KIF5C: variants seen among roughly 807,000 people sequenced by gnomAD.
The protein encoded by KIF5C is kinesin heavy chain isoform 5C.
In KIF5C, 18 loss-of-function variants were observed where a neutral mutation model predicts 125.2. The observed-to-expected ratio is 0.14, with a 90% confidence interval of 0.10 to 0.21. KIF5C has a LOEUF of 0.21. Ranked by LOEUF, KIF5C falls within the 10% of genes least tolerant of loss-of-function variation. The pLI is 1.00. For missense variants in KIF5C, 780 were observed against 1,183.8 expected, an observed-to-expected ratio of 0.66 and a Z score of 5.01; for synonymous variants, 405 against 434.0, an observed-to-expected ratio of 0.93 and a Z score of 0.83.
intron 7 of KIF5C, among the ~76,000 whole-genome samples, chr2:148,943,243 G>C (rs1365763292): frequency 6.6e-6 from 1 of 152,198 alleles, no homozygotes; most frequent in East Asian, 1.9e-4. Flanking sequence ...TCAGAAAGCA[G>C]AGCCAGGAGC....
intron 17 of KIF5C, 35 bp downstream of exon 17, chr2:148,994,573 C>T: frequency 6.5e-7 from 1 of 1,547,278 alleles, no homozygotes; most frequent in Non-Finnish European, 8.7e-7. Context: ...TGTCAAACAC[C>T]TGGCCTGAGT....
At position 149,006,556 on chromosome 2, in the gene KIF5C, A is replaced by G. The variant is rs116396298; in HGVS notation, c.2445+1092A>G. Among the ~76,000 whole-genome samples the G allele has an allele frequency of 2.7e-3, 410 of 152,326 alleles. 3 individuals carry two copies. The highest frequency in any genetic ancestry group is 9.4e-3 in the African/African-American group (392 of 41,582). ...AGGCTGCCAAGGTAGGGGATGTGCTATGGAAGAGTAGAAGGATTGCTGAGC... is the reference window on the plus strand; with the variant it reads ...AGGCTGCCAAGGTAGGGGATGTGCTGTGGAAGAGTAGAAGGATTGCTGAGC... On this transcript the variant is annotated intron_variant, in intron 22 of 25. Transcript: ENST00000435030.
At chr2:148,928,754 T>TCCC (rs1682097319) in intron 2 of KIF5C, among the ~76,000 whole-genome samples, 1 of 152,180 alleles carries the variant, frequency 6.6e-6, no homozygotes, top group Non-Finnish European at 1.5e-5. Context: ...GCTCTGTTTA[T>TCCC]AGAGTGGGGC....
chr2:148,961,833 G>T, intron 10 of KIF5C, 138 bp from the exon 11 acceptor site: 9 of 1,229,508 alleles, frequency 7.3e-6, no homozygotes, highest in Non-Finnish European at 1.0e-5. Context: ...CAATTAGGAG[G>T]ATGGTTGGTG....
At chr2:148,937,129 G>C (rs1682307877) in intron 3 of KIF5C, among the ~76,000 whole-genome samples, 155 bp from the exon 4 acceptor site, 1 of 152,198 alleles carries the variant, frequency 6.6e-6, no homozygotes, top group Admixed American at 6.5e-5. Flanking sequence ...TGGTCTGTTG[G>C]CAAGTCAGGT....
At chr2:148,923,253 T>A (rs1662946860) in intron 2 of KIF5C, among the ~76,000 whole-genome samples, 1 of 152,204 alleles carries the variant, frequency 6.6e-6, no homozygotes, top group Non-Finnish European at 1.5e-5. Context: ...GAAAATCAGC[T>A]CTGGGTACAT....
intron 19 of KIF5C, chr2:148,998,781 G>C: frequency 3.0e-6 from 1 of 333,298 alleles, no homozygotes; most frequent in Non-Finnish European, 5.5e-6. Context: ...GATTCCGCTG[G>C]ATGGACGCAT....
At chr2:148,898,910 G>T (rs1449211503) in intron 1 of KIF5C, among the ~76,000 whole-genome samples, 1 of 152,184 alleles carries the variant, frequency 6.6e-6, no homozygotes, top group Non-Finnish European at 1.5e-5. Flanking sequence ...TTTACCAGAA[G>T]ATATCTGTTC....
intron 1 of KIF5C, among the ~76,000 whole-genome samples, chr2:148,920,192 T>C (rs1681726838): frequency 6.6e-6 from 1 of 152,218 alleles, no homozygotes. Context: ...GATCAAGCTG[T>C]AAACAAGACG....
intron 19 of KIF5C, chr2:148,998,831 CAAA>C (rs58960407): frequency 1.6e-4 from 10 of 62,368 alleles, no homozygotes; most frequent in Non-Finnish European, 1.7e-4. Flanking sequence ...ATGAAAGCAC[CAAA>C]AAAAAAAAAA....
At position 149,026,164 on chromosome 2, in the gene KIF5C, AC is replaced by A. The variant is rs1682682517; in HGVS notation, c.*3095del. The A allele has an allele frequency of 6.6e-6, 1 of 152,534 alleles. No individual in the cohort carries two copies. The highest frequency in any genetic ancestry group is 1.5e-5 in the Non-Finnish European group (1 of 68,022). The allele number at this position is 152,534 out of a possible 1,614,324, so 9.4% of individuals were successfully genotyped here. A position where few individuals can be genotyped will look rare whatever the true frequency, so the allele number is the denominator to read the frequency against. On this transcript the variant is annotated 3_prime_UTR_variant, in exon 26 of 26. Coordinates refer to ENST00000435030, the MANE Select transcript of KIF5C (RefSeq NM_004522.3). Reference sequence around the variant, plus strand: ...CATTTGGACTCTAGCTATATGACATACTGGGAAAGGCAGAGGGTGGAGGGAA... The same window carrying A: ...CATTTGGACTCTAGCTATATGACATATGGGAAAGGCAGAGGGTGGAGGGAA...
intron 1 of KIF5C, among the ~76,000 whole-genome samples, chr2:148,894,702 C>T (rs1021740049): frequency 1.3e-5 from 2 of 148,504 alleles, no homozygotes; most frequent in African/African-American, 5.1e-5. Context: ...AAGTTTAGTA[C>T]AATATATATA....
chr2:148,994,533 C>G lies in KIF5C; in HGVS notation c.2018C>G (p.Ala673Gly), dbSNP rs747385174. 10 of 1,558,992 alleles carry G rather than the reference C, an allele frequency of 6.4e-6. No individual in the cohort carries two copies. The South Asian group carries it at 1.1e-4, about 17-fold the overall frequency. The change falls in exon 17 of 26, where the codon GCC becomes GGC. Residue 673 changes from alanine (A) to glycine (G), a missense_variant. Ala to Gly is a moderately conservative substitution (Grantham distance 60). Transcript: ENST00000435030. The stretch of plus-strand genomic sequence containing the variant: ...AGCGAAGAGCTGGCAAAGCTCCGAG[C>G]CCAGGGTAAATATTTGACTAACGTG... ...SLSEELAKLR[A>G]QEKMHEVSFQ...
chr2:149,003,062 C>T (rs772820106), intron 21 of KIF5C, among the ~76,000 whole-genome samples: 2 of 152,182 alleles, frequency 1.3e-5, no homozygotes, highest in Non-Finnish European at 2.9e-5. Context: ...CTTCGTGGCA[C>T]CCACATTCTC....
chr2:148,875,578 C>G lies in KIF5C; in HGVS notation c.-40C>G, dbSNP rs1681156957. 2 of 685,638 alleles carry G rather than the reference C, an allele frequency of 2.9e-6. No homozygotes were observed. The highest frequency in any genetic ancestry group is 6.0e-5 in the East Asian group (2 of 33,434). 42.5% of individuals were successfully genotyped at this position (685,638 alleles called of 1,614,324 possible). A position where few individuals can be genotyped will look rare whatever the true frequency, so the allele number is the denominator to read the frequency against. On this transcript the variant is annotated 5_prime_UTR_variant, in exon 1 of 26. Coordinates refer to ENST00000435030, the MANE Select transcript of KIF5C (RefSeq NM_004522.3). ...TCCCTCGTCGTTCCCGGCCCCGGCCCCCCACCCATCCCCGTGCCCCCTCCC... is the reference window on the plus strand; with the variant it reads ...TCCCTCGTCGTTCCCGGCCCCGGCCGCCCACCCATCCCCGTGCCCCCTCCC...
chr2:148,959,590 A>G (rs1275729707), intron 10 of KIF5C, among the ~76,000 whole-genome samples: 1 of 152,202 alleles, frequency 6.6e-6, no homozygotes, highest in Non-Finnish European at 1.5e-5. Context: ...CTCGGGCTCC[A>G]GTGTGAGACA....
At chr2:148,978,066 G>C (rs1224414777) in intron 12 of KIF5C, among the ~76,000 whole-genome samples, 1 of 152,184 alleles carries the variant, frequency 6.6e-6, no homozygotes, top group East Asian at 1.9e-4. Context: ...CACAGGCTAT[G>C]TTTCAAATTT....
chr2:149,026,250 A>C lies in KIF5C; in HGVS notation c.*3180A>C, dbSNP rs371426406. On this transcript the variant is annotated 3_prime_UTR_variant, in exon 26 of 26. Coordinates refer to ENST00000435030, the MANE Select transcript of KIF5C (RefSeq NM_004522.3). ...CAAGCTAAAGAAACCATCATAATCT[A>C]AAATTGCTTCATTTAACACTAACAA... 1.3e-5 allele frequency: 2 copies of C among 152,364 alleles called. No individual in the cohort carries two copies. The highest frequency in any genetic ancestry group is 2.1e-4 in the South Asian group (1 of 4,826). 9.4% of individuals were successfully genotyped at this position (152,364 alleles called of 1,614,324 possible). A position where few individuals can be genotyped will look rare whatever the true frequency, so the allele number is the denominator to read the frequency against.
intron 1 of KIF5C, among the ~76,000 whole-genome samples, chr2:148,899,673 G>A (rs1389153277): frequency 5.2e-5 from 7 of 133,408 alleles, no homozygotes; most frequent in South Asian, 2.3e-4. Flanking sequence ...ACTGCTCTCC[G>A]CCTGGGCAAC....
Sources: allele counts gnomAD v4.1 joint callset (sites outside exome capture counted in the v4.1 genomes callset), GRCh38; gene constraint gnomAD v4.1.1; transcripts MANE v1.5; gene names NCBI Gene and HGNC (gene_info 2026-07-23, HGNC 2026-07-21).